PAK1: variants seen among roughly 807,000 people sequenced by gnomAD.
PAK1 encodes the protein serine/threonine-protein kinase PAK 1.
In PAK1, 29 loss-of-function variants were observed where a neutral mutation model predicts 67.4. The ratio of observed to expected loss-of-function variants is 0.43; its 90% CI spans 0.32 to 0.59. The LOEUF is 0.59. Among genes scored for constraint, PAK1 ranks in the 20% least tolerant of loss-of-function variants. The pLI is 0.07. For missense variants in PAK1, 337 were observed against 670.7 expected (o/e 0.50, Z 5.50); for synonymous variants, 223 against 237.4 (o/e 0.94, Z 0.56).
chr11:77,424,589 T>C (rs2138227902), intron 1 of PAK1, among the ~76,000 whole-genome samples: 1 of 152,356 alleles, frequency 6.6e-6, no homozygotes, highest in Non-Finnish European at 1.5e-5. Context: ...TTCTGAGGAA[T>C]GTTTCTCTTA....
At chr11:77,359,156 G>C in intron 5 of PAK1, 139 bp from the exon 6 acceptor site, 1 of 715,208 alleles carries the variant, frequency 1.4e-6, no homozygotes, top group African/African-American at 1.8e-5. Flanking sequence ...TCTCACCTTT[G>C]TGTAGCTAGT....
At chr11:77,394,057 G>A (rs1051286486) in intron 1 of PAK1, among the ~76,000 whole-genome samples, 2 of 152,128 alleles carry the variant, frequency 1.3e-5, no homozygotes, top group Admixed American at 6.5e-5. Flanking sequence ...TAGTTTTAAT[G>A]AAAATGTTAT....
intron 9 of PAK1, chr11:77,346,954 C>T (rs1944515422): frequency 6.7e-6 from 3 of 449,194 alleles, no homozygotes; most frequent in Non-Finnish European, 1.3e-5. Context: ...GGAAGACTTC[C>T]CAGCACTAAC....
chr11:77,322,733 C>T lies in PAK1; in HGVS notation c.*541G>A, dbSNP rs1938704587. On this transcript the variant is annotated 3_prime_UTR_variant, in exon 15 of 15. Transcript: ENST00000356341. ...GGTTGTTCTCCCATGTCAGGATCAG[C>T]TGAGCCAAAGTCATGGTCCAGGAAG... 1 of 282,402 alleles carries T rather than the reference C, an allele frequency of 3.5e-6. No homozygotes were observed. The highest frequency in any genetic ancestry group is 4.7e-5 in the Admixed American group (1 of 21,250). 17.5% of individuals were successfully genotyped at this position (282,402 alleles called of 1,614,324 possible). A position where few individuals can be genotyped will look rare whatever the true frequency, so the allele number is the denominator to read the frequency against.
intron 5 of PAK1, among the ~76,000 whole-genome samples, chr11:77,359,223 C>T (rs1165045650): frequency 6.6e-6 from 1 of 152,074 alleles, no homozygotes; most frequent in African/African-American, 2.4e-5. Context: ...CCACTCAGTC[C>T]CTTGGGGCTT....
At chr11:77,451,614 T>G (rs1235622469) in intron 1 of PAK1, among the ~76,000 whole-genome samples, 2 of 142,674 alleles carry the variant, frequency 1.4e-5, no homozygotes, top group Non-Finnish European at 3.0e-5. Flanking sequence ...TTTGTTTTTT[T>G]TTTGAGACGG....
At chr11:77,369,331 C>G (rs1948072216) in intron 5 of PAK1, among the ~76,000 whole-genome samples, 1 of 151,650 alleles carries the variant, frequency 6.6e-6, no homozygotes, top group African/African-American at 2.4e-5. Context: ...ATGCTTGAAT[C>G]CCCCTGACCA....
chr11:77,323,722 A>G (rs989382819), intron 14 of PAK1, among the ~76,000 whole-genome samples: 5 of 152,236 alleles, frequency 3.3e-5, no homozygotes, highest in African/African-American at 1.2e-4. Flanking sequence ...GAATAGTGTT[A>G]TATTCATATA....
intron 2 of PAK1, among the ~76,000 whole-genome samples, chr11:77,389,729 GTTC>G (rs1592176084): frequency 6.6e-6 from 1 of 152,156 alleles, no homozygotes; most frequent in African/African-American, 2.4e-5. Context: ...ACTTGCAATA[GTTC>G]TTCTTCACAT....
At chr11:77,450,158 T>C (rs1956793155) in intron 1 of PAK1, among the ~76,000 whole-genome samples, 1 of 152,212 alleles carries the variant, frequency 6.6e-6, no homozygotes, top group Admixed American at 6.5e-5. Context: ...ACAGTATATA[T>C]GCTCAGAAGG....
Position 77,349,231 on chromosome 11 carries a change from A to G in PAK1, c.885+8T>C, listed in dbSNP as rs1944892022. ...CTAAAGGAGCAACAGTGGGTGGTGG[A>G]TACTCACCTCCTGTCCTGTGGCCAC... On this transcript the variant is annotated splice_region_variant and intron_variant, in intron 9 of 14. Coordinates refer to ENST00000356341, the MANE Select transcript of PAK1 (RefSeq NM_002576.5). 1 of 1,579,794 alleles carries G rather than the reference A, an allele frequency of 6.3e-7. No homozygotes were observed. The highest frequency in any genetic ancestry group is 1.7e-5 in the Admixed American group (1 of 57,504).
intron 4 of PAK1, among the ~76,000 whole-genome samples, chr11:77,378,479 ATAAC>A (rs1182338735): frequency 3.3e-5 from 5 of 152,234 alleles, no homozygotes; most frequent in Non-Finnish European, 2.9e-5. Context: ...ATGTTATTAA[ATAAC>A]TAATAATAAT....
At chr11:77,488,330 C>T in the PAK1 span, among the ~76,000 whole-genome samples, 5 of 152,114 alleles carry the variant, frequency 3.3e-5, no homozygotes, top group African/African-American at 1.2e-4. Flanking sequence ...CAGGTGCAAA[C>T]AAGCCCAAAC....
intron 14 of PAK1, 150 bp downstream of exon 14, chr11:77,332,580 G>T: frequency 1.5e-6 from 1 of 651,556 alleles, no homozygotes; most frequent in East Asian, 2.5e-5. Flanking sequence ...AAGGCCCAGG[G>T]ATAAAAGGGC....
In PAK1 at chr11:77,359,026, A is replaced by G. The variant is rs984897829; in HGVS notation, c.478-9T>C. ...GACACAGCCTTCACATTCTGTGCAA[A>G]GAAGAAAAGCAAGATGCATCTGGTC... On this transcript the variant is annotated splice_polypyrimidine_tract_variant and intron_variant, in intron 5 of 14. Transcript: ENST00000356341. 6.2e-7 allele frequency: 1 copy of G among 1,612,228 alleles called. No homozygotes were observed. The highest frequency in any genetic ancestry group is 1.3e-5 in the African/African-American group (1 of 74,942).
intron 1 of PAK1, among the ~76,000 whole-genome samples, chr11:77,467,949 G>C (rs951907630): frequency 5.3e-5 from 8 of 152,162 alleles, no homozygotes; most frequent in African/African-American, 1.7e-4. Flanking sequence ...TCTTAGCTTT[G>C]TGGGAATCCA....
chr11:77,476,817 T>A (rs562848849), upstream of PAK1: 1 of 151,878 alleles, frequency 6.6e-6, no homozygotes, highest in East Asian at 1.9e-4. Flanking sequence ...AAACCCCATC[T>A]CTACTAAAAA....
At chr11:77,336,905 TCTTA>T (rs1311678251) in intron 12 of PAK1, among the ~76,000 whole-genome samples, 1 of 152,064 alleles carries the variant, frequency 6.6e-6, no homozygotes, top group East Asian at 1.9e-4. Context: ...GATTATGTCC[TCTTA>T]CTTGTCCTCA....
chr11:77,471,788 T>C (rs1317700734), intron 1 of PAK1, among the ~76,000 whole-genome samples: 3 of 152,218 alleles, frequency 2.0e-5, no homozygotes, highest in Non-Finnish European at 4.4e-5. Context: ...GTACCTTCCT[T>C]TGAGGCACTG....
Sources: allele counts gnomAD v4.1 joint callset (sites outside exome capture counted in the v4.1 genomes callset), GRCh38; gene constraint gnomAD v4.1.1; transcripts MANE v1.5; gene names NCBI Gene and HGNC (gene_info 2026-07-23, HGNC 2026-07-21).